Variants in NWD2 observed in about 807,000 individuals in gnomAD.
NWD2 encodes NACHT and WD repeat domain-containing protein 2.
In NWD2, 37 loss-of-function variants were observed where a neutral mutation model predicts 132.7. The observed-to-expected ratio is 0.28, with a 90% CI of 0.21 to 0.37. The LOEUF (loss-of-function observed/expected upper bound fraction) is 0.37. NWD2 is among the 10% of genes least tolerant of loss of function. The probability of loss-of-function intolerance (pLI) is 1.00; values close to 1 mark genes in which losing one functional copy is unlikely to be tolerated. For synonymous variants in NWD2, 705 were observed against 803.0 expected (o/e 0.88, Z 2.06); for missense variants, 1,592 against 2,122.4 (o/e 0.75, Z 4.91).
At chr4:37,358,035 T>A (rs1292527415) in intron 3 of NWD2, among the ~76,000 whole-genome samples, 1 of 152,176 alleles carries the variant, frequency 6.6e-6, no homozygotes, top group East Asian at 1.9e-4. Flanking sequence ...CATGGGGCCT[T>A]TTCATCTTTT....
intron 6 of NWD2, among the ~76,000 whole-genome samples, chr4:37,441,251 A>G (rs756323011): frequency 6.6e-6 from 1 of 152,204 alleles, no homozygotes; most frequent in Non-Finnish European, 1.5e-5. Context: ...TAAATTGTGT[A>G]TGCATATGTT....
At chr4:37,363,616 T>C (rs1000444965) in intron 3 of NWD2, among the ~76,000 whole-genome samples, 6 of 151,972 alleles carry the variant, frequency 3.9e-5, no homozygotes, top group Admixed American at 3.9e-4. Flanking sequence ...CTGGCAACAA[T>C]AGAAACTGGG....
intron 3 of NWD2, among the ~76,000 whole-genome samples, chr4:37,369,150 G>A (rs1720163113): frequency 6.6e-6 from 1 of 152,060 alleles, no homozygotes; most frequent in Non-Finnish European, 1.5e-5. Flanking sequence ...TATACACACT[G>A]AAACACATGT....
chr4:37,311,137 G>A (rs1718832899), intron 1 of NWD2, among the ~76,000 whole-genome samples: 1 of 151,980 alleles, frequency 6.6e-6, no homozygotes, highest in Non-Finnish European at 1.5e-5. Flanking sequence ...ATAGTCCTTT[G>A]GGTATATACC....
intron 2 of NWD2, among the ~76,000 whole-genome samples, chr4:37,328,951 G>A (rs958250810): frequency 7.9e-5 from 12 of 151,840 alleles, no homozygotes; most frequent in Non-Finnish European, 1.5e-4. Context: ...CTGTTTTTAC[G>A]GAATTTCAAG....
Position 37,377,341 on chromosome 4 carries a change from A to T in NWD2, c.357+20859A>T, listed in dbSNP as rs1206289743. ...ATAACTCAATGTTTAGCTTAGTAAA[A>T]CAAAAAATTAAATTCACTCATAAGG... On this transcript the variant is annotated intron_variant, in intron 3 of 6. Transcript: ENST00000309447. 5.9e-5 allele frequency among the ~76,000 whole-genome samples: 9 copies of T among 152,330 alleles called. No individual in the cohort carries two copies. The East Asian group carries it at 1.5e-3, about 26-fold the overall frequency.
chr4:37,330,459 G>A (rs1161615682), intron 2 of NWD2, among the ~76,000 whole-genome samples: 4 of 152,204 alleles, frequency 2.6e-5, no homozygotes, highest in Non-Finnish European at 1.5e-5. Flanking sequence ...AGACTGGGGA[G>A]AAAGCCGGTG....
In NWD2 at chr4:37,438,974, G is replaced by A. The variant is rs892491181; in HGVS notation, c.880G>A (p.Ala294Thr). The change falls in exon 6 of 7, where the codon GCC becomes ACC. Residue 294 changes from alanine to threonine, a missense_variant. Physicochemically the swap from Ala to Thr is moderately conservative, Grantham distance 58 (BLOSUM62 0). Around this residue, in one of 7 missense-constraint regions of NWD2, gnomAD observed 1,071 missense variants for 1,398.0 expected, o/e 0.77. Coordinates refer to ENST00000309447, the MANE Select transcript of NWD2 (RefSeq NM_001144990.2). ...ACCGAGGATTATTCGGGACCCAGAAGCCCAAGAGAAGCTGATAAAACTCAG... is the reference window on the plus strand; with the variant it reads ...ACCGAGGATTATTCGGGACCCAGAAACCCAAGAGAAGCTGATAAAACTCAG... The part of the protein sequence containing the change: ...TEPRIIRDPE[A>T]QEKLIKLRDE... The A allele has an allele frequency of 4.5e-6, 7 of 1,551,986 alleles. No homozygotes were observed. The highest frequency in any genetic ancestry group is 6.1e-6 in the Non-Finnish European group (7 of 1,147,040).
At chr4:37,414,980 C>T (rs772688978) in intron 3 of NWD2, among the ~76,000 whole-genome samples, 1 of 152,216 alleles carries the variant, frequency 6.6e-6, no homozygotes, top group Non-Finnish European at 1.5e-5. Flanking sequence ...CAGAGAGCTT[C>T]TGCTCTGAAC....
intron 2 of NWD2, among the ~76,000 whole-genome samples, chr4:37,332,198 G>A (rs1325850533): frequency 1.3e-5 from 2 of 152,024 alleles, no homozygotes; most frequent in Admixed American, 6.5e-5. Context: ...CAAGATACCA[G>A]CTGGGATGGC....
chr4:37,392,571 C>G (rs1489484194), intron 3 of NWD2, among the ~76,000 whole-genome samples: 2 of 152,162 alleles, frequency 1.3e-5, no homozygotes, highest in Non-Finnish European at 2.9e-5. Context: ...CCTCCAACCT[C>G]TATTGAGAAT....
chr4:37,400,418 A>T (rs1720876488), intron 3 of NWD2, among the ~76,000 whole-genome samples: 1 of 152,232 alleles, frequency 6.6e-6, no homozygotes, highest in African/African-American at 2.4e-5. Context: ...GTAGTCAGAA[A>T]ATTGGAGTGG....
intron 1 of NWD2, among the ~76,000 whole-genome samples, chr4:37,325,325 T>C (rs138170985): frequency 6.6e-6 from 1 of 152,304 alleles, no homozygotes; most frequent in East Asian, 1.9e-4. Context: ...ATCTCTGATA[T>C]AATGTCCCTA....
Position 37,447,291 on chromosome 4 carries a change from A to C in NWD2, c.*74A>C. The C allele has an allele frequency of 8.9e-7, 1 of 1,124,082 alleles. No homozygotes were observed. The highest frequency in any genetic ancestry group is 1.3e-6 in the Non-Finnish European group (1 of 797,336). The allele number at this position is 1,124,082 out of a possible 1,614,324, so 69.6% of individuals were successfully genotyped here. On this transcript the variant is annotated 3_prime_UTR_variant, in exon 7 of 7. Coordinates refer to ENST00000309447, the MANE Select transcript of NWD2 (RefSeq NM_001144990.2). Reference sequence around the variant, plus strand: ...GAAAAAAATGTGCCCCAAATGATAAACTATTCATTTATTAAAAGGCAGGAG... The same window carrying C: ...GAAAAAAATGTGCCCCAAATGATAACCTATTCATTTATTAAAAGGCAGGAG...
At chr4:37,256,049 G>A (rs1316930448) in intron 1 of NWD2, among the ~76,000 whole-genome samples, 1 of 152,226 alleles carries the variant, frequency 6.6e-6, no homozygotes, top group Non-Finnish European at 1.5e-5. Flanking sequence ...TATCCTGGAA[G>A]TCGGGTAAGT....
chr4:37,356,293 C>T, intron 2 of NWD2, 73 bp from the exon 3 acceptor site: 1 of 753,184 alleles, frequency 1.3e-6, no homozygotes. Flanking sequence ...AGTTAAAAGT[C>T]ACATTAGCTT....
intron 3 of NWD2, among the ~76,000 whole-genome samples, chr4:37,365,831 T>G (rs1720089772): frequency 6.6e-6 from 1 of 152,236 alleles, no homozygotes; most frequent in African/African-American, 2.4e-5. Flanking sequence ...GAAAGCATTT[T>G]TTTATGATAA....
rs187711077 is a variant in NWD2 at position 37,341,188 on chromosome 4, C to G, written c.240+15164C>G. On this transcript the variant is annotated intron_variant, in intron 2 of 6. Coordinates refer to ENST00000309447, the MANE Select transcript of NWD2 (RefSeq NM_001144990.2). Reference sequence around the variant, plus strand: ...TCTTTGAATTACATGAGATACTCAACACTTTATTATAAAATTGGCTTTGTG... The same window carrying G: ...TCTTTGAATTACATGAGATACTCAAGACTTTATTATAAAATTGGCTTTGTG... Among the ~76,000 whole-genome samples, 143 of 152,290 alleles carry G rather than the reference C, an allele frequency of 9.4e-4. 1 individual carries two copies. The highest frequency in any genetic ancestry group is 3.2e-3 in the African/African-American group (131 of 41,554).
At chr4:37,381,906 A>C (rs1374520702) in intron 3 of NWD2, among the ~76,000 whole-genome samples, 2 of 152,222 alleles carry the variant, frequency 1.3e-5, no homozygotes, top group Non-Finnish European at 2.9e-5. Flanking sequence ...TGAAGAGAAA[A>C]TTCTCTTGCT....
Sources: allele counts gnomAD v4.1 joint callset (sites outside exome capture counted in the v4.1 genomes callset), GRCh38; gene constraint gnomAD v4.1.1; regional missense constraint gnomAD v4.1.1; transcripts MANE v1.5; gene names NCBI Gene and HGNC (gene_info 2026-07-23, HGNC 2026-07-21).